The following CREB5 variants were observed in gnomAD, a reference collection of about 807,000 sequenced individuals.
CREB5 encodes cAMP responsive element binding protein 5, also known as cyclic AMP-responsive element-binding protein 5.
CREB5 carries 19 observed loss-of-function variants against 57.1 expected under a neutral mutation model. The observed-to-expected ratio is 0.33, with a 90% CI of 0.23 to 0.49. The LOEUF is 0.49. CREB5 is among the 20% of genes least tolerant of loss of function. The pLI, the probability that CREB5 is intolerant of heterozygous loss-of-function variation, is 0.99. For missense variants in CREB5, 579 were observed against 671.6 expected, an observed-to-expected ratio of 0.86 and a Z score of 1.52; for synonymous variants, 238 against 238.3, an observed-to-expected ratio of 1.00 and a Z score of 0.01.
At chr7:28,627,593 C>T (rs1388291588) in intron 5 of CREB5, among the ~76,000 whole-genome samples, 1 of 152,142 alleles carries the variant, frequency 6.6e-6, no homozygotes, top group Non-Finnish European at 1.5e-5. Flanking sequence ...ATTTAAATGA[C>T]CAGTTGTAGC....
Position 28,560,907 on chromosome 7 carries a change from T to TGCGTGC in CREB5, c.292-9453_292-9452insCGCGTG, listed in dbSNP as rs1583630200. Among the ~76,000 whole-genome samples, 14 of 42,736 alleles carry TGCGTGC rather than the reference T, an allele frequency of 3.3e-4. 3 individuals are homozygous for TGCGTGC. Among genetic ancestry groups the TGCGTGC allele is most frequent in the East Asian group, 2.0e-3 (1 of 512 alleles). 28.0% of individuals were successfully genotyped at this position (42,736 alleles called of 152,430 possible). ...GCGTGCGTGTGTGTGCGTGCGCGCG[T>TGCGTGC]GCGTGTGCGTGTGTGCGCGTGCGTG... On this transcript the variant is annotated intron_variant, in intron 4 of 10. Transcript: ENST00000357727.
intron 1 of CREB5, among the ~76,000 whole-genome samples, chr7:28,414,514 G>T (rs1390657693): frequency 6.6e-6 from 1 of 152,146 alleles, no homozygotes; most frequent in African/African-American, 2.4e-5. Flanking sequence ...ATATCTAAGT[G>T]TGAGGAAGAA....
intron 1 of CREB5, among the ~76,000 whole-genome samples, chr7:28,388,221 A>T (rs966088713): frequency 7.2e-5 from 11 of 152,232 alleles, no homozygotes; most frequent in African/African-American, 2.4e-4. Flanking sequence ...TATCAATTTA[A>T]TGCCAGACCT....
chr7:28,379,153 T>C (rs1305423116), intron 1 of CREB5, among the ~76,000 whole-genome samples: 1 of 152,206 alleles, frequency 6.6e-6, no homozygotes, highest in South Asian at 2.1e-4. Flanking sequence ...ATTAAATTTA[T>C]ATTGGATTGA....
chr7:28,367,853 A>G (rs1399319768), intron 1 of CREB5, among the ~76,000 whole-genome samples: 1 of 152,078 alleles, frequency 6.6e-6, no homozygotes, highest in African/African-American at 2.4e-5. Flanking sequence ...AAAACAACAA[A>G]GAAACACAAA....
chr7:28,376,030 ACCATGCCCCTT>A (rs1437292905), intron 1 of CREB5, among the ~76,000 whole-genome samples: 1 of 152,146 alleles, frequency 6.6e-6, no homozygotes, highest in Non-Finnish European at 1.5e-5. Context: ...CTTGTCTCCC[ACCATGCCCCTT>A]CCAGCTTCTC....
chr7:28,791,651 G>C (rs1040484012), intron 7 of CREB5, among the ~76,000 whole-genome samples: 3 of 152,206 alleles, frequency 2.0e-5, no homozygotes, highest in Non-Finnish European at 4.4e-5. Flanking sequence ...AGTCCCTGGT[G>C]AGCAGTTGCT....
intron 5 of CREB5, among the ~76,000 whole-genome samples, chr7:28,678,193 G>A (rs1231908280): frequency 2.0e-5 from 3 of 152,130 alleles, no homozygotes; most frequent in Non-Finnish European, 4.4e-5. Flanking sequence ...TTCAAGACCA[G>A]CCTGGCCCAC....
At chr7:28,348,408 T>TCTCTCACACACACACACACACACA (rs1376338798) in intron 1 of CREB5, among the ~76,000 whole-genome samples, 9 of 118,116 alleles carry the variant, frequency 7.6e-5, no homozygotes, top group African/African-American at 2.8e-4. Context: ...TCTCTCTCTC[T>TCTCTCACACACACACACACACACA]CACACACACA....
chr7:28,806,265 A>G (rs1808727293), intron 8 of CREB5, among the ~76,000 whole-genome samples: 1 of 152,210 alleles, frequency 6.6e-6, no homozygotes, highest in Non-Finnish European at 1.5e-5. Context: ...AGCTTTATGA[A>G]CAGTTGCTTT....
intron 3 of CREB5, among the ~76,000 whole-genome samples, chr7:28,500,835 C>A (rs1377300220): frequency 6.6e-6 from 1 of 152,114 alleles, no homozygotes; most frequent in Non-Finnish European, 1.5e-5. Context: ...CACACGCACA[C>A]ACACACGTGA....
intron 1 of CREB5, among the ~76,000 whole-genome samples, chr7:28,319,311 C>T (rs1175414707): frequency 1.3e-5 from 2 of 152,110 alleles, no homozygotes; most frequent in Non-Finnish European, 2.9e-5. Context: ...TCCTGTGTAT[C>T]TTATTTATCT....
intron 5 of CREB5, among the ~76,000 whole-genome samples, chr7:28,584,591 C>T (rs1489025622): frequency 6.6e-6 from 1 of 152,142 alleles, no homozygotes; most frequent in Non-Finnish European, 1.5e-5. Flanking sequence ...TCCTTCAGAG[C>T]CCTGAGAAAG....
intron 1 of CREB5, among the ~76,000 whole-genome samples, chr7:28,367,633 C>T (rs1786614669): frequency 6.6e-6 from 1 of 152,078 alleles, no homozygotes; most frequent in Admixed American, 6.6e-5. Context: ...CATGGTGAAA[C>T]CCTGTCTCTA....
At chr7:28,638,861 CA>C (rs1478534168) in intron 5 of CREB5, among the ~76,000 whole-genome samples, 1 of 152,126 alleles carries the variant, frequency 6.6e-6, no homozygotes, top group African/African-American at 2.4e-5. Flanking sequence ...AAAGAGTGGT[CA>C]GATCATAAGT....
intron 1 of CREB5, among the ~76,000 whole-genome samples, chr7:28,467,162 C>G (rs1050692679): frequency 1.3e-5 from 2 of 152,088 alleles, no homozygotes; most frequent in African/African-American, 4.8e-5. Context: ...CTGAGGGAAT[C>G]TGGTGGTGGG....
chr7:28,527,344 A>G (rs1267552126), intron 4 of CREB5, among the ~76,000 whole-genome samples: 1 of 152,194 alleles, frequency 6.6e-6, no homozygotes, highest in African/African-American at 2.4e-5. Flanking sequence ...CCTTCTTTGG[A>G]ACAGTACTCC....
chr7:28,481,024 G>A (rs1241777179), intron 1 of CREB5, among the ~76,000 whole-genome samples: 1 of 152,166 alleles, frequency 6.6e-6, no homozygotes, highest in Non-Finnish European at 1.5e-5. Context: ...CAATCCCACT[G>A]GAATGTTTTC....
chr7:28,539,694 C>G lies in CREB5; in HGVS notation c.292-30671C>G, dbSNP rs906698344. Among the ~76,000 whole-genome samples the G allele has an allele frequency of 9.8e-5, 15 of 152,296 alleles. 2 individuals are homozygous for G. The highest frequency in any genetic ancestry group is 3.6e-4 in the African/African-American group (15 of 41,564). On this transcript the variant is annotated intron_variant, in intron 4 of 10. Transcript: ENST00000357727. ...GTCTGCTCCCTAATCAGTAGGTTAG[C>G]CTAACCTCAGTCACTAAGTTTCAGT...
Sources: allele counts gnomAD v4.1 joint callset (sites outside exome capture counted in the v4.1 genomes callset), GRCh38; gene constraint gnomAD v4.1.1; transcripts MANE v1.5; gene names NCBI Gene and HGNC (gene_info 2026-07-23, HGNC 2026-07-21).